Variants in RMI1 observed in about 807,000 individuals in gnomAD.
RMI1 encodes recQ-mediated genome instability protein 1.
A neutral mutation model predicts 46.7 loss-of-function variants in RMI1; 36 were observed. The observed-to-expected ratio is 0.77, with a 90% CI of 0.59 to 1.02. RMI1 has a LOEUF of 1.02. RMI1 is among the 50% of genes least tolerant of loss of function. The pLI, the probability that RMI1 is intolerant of heterozygous loss-of-function variation, is 0.00. For missense variants in RMI1, 676 were observed against 713.7 expected, an observed-to-expected ratio of 0.95 and a Z score of 0.60; for synonymous variants, 250 against 252.9, an observed-to-expected ratio of 0.99 and a Z score of 0.11.
chr9:83,997,387 A>G (rs1394543737), intron 1 of RMI1, among the ~76,000 whole-genome samples: 1 of 151,900 alleles, frequency 6.6e-6, no homozygotes, highest in Non-Finnish European at 1.5e-5. Context: ...CTGGGATTAC[A>G]GGTACGAGCT....
chr9:84,004,062 TTAAA>T lies in RMI1; in HGVS notation c.*1202_*1205del, dbSNP rs1291704122. 6.4e-6 allele frequency: 1 copy of T among 156,752 alleles called. No homozygotes were observed. Among genetic ancestry groups the T allele is most frequent in the African/African-American group, 2.4e-5 (1 of 41,464 alleles). 9.7% of individuals were successfully genotyped at this position (156,752 alleles called of 1,614,324 possible). A position where few individuals can be genotyped will look rare whatever the true frequency, so the allele number is the denominator to read the frequency against. ...GAATTTTAAAACATTAAACAAATCCTTAAATAACAAAATACATTGGTGTTTTATT... is the reference window on the plus strand; with the variant it reads ...GAATTTTAAAACATTAAACAAATCCTTAACAAAATACATTGGTGTTTTATT... On this transcript the variant is annotated 3_prime_UTR_variant, in exon 3 of 3. Coordinates refer to ENST00000445877, the MANE Select transcript of RMI1 (RefSeq NM_001358291.2).
rs764113069 is a variant in RMI1, at chr9:84,001,664, C to T, written c.678C>T (p.Asn226=). The change falls in exon 3 of 3, where the codon AAC becomes AAT. Residue 226 remains asparagine (N), a synonymous_variant. Transcript: ENST00000445877. ...LVVSVIPNNS[N]ENIPRVTDVL... is the part of the protein sequence containing the mutation. ...TTTCAGTCATACCAAACAATTCTAA[C>T]GAAAACATTCCCAGAGTTACAGATG... 35 of 1,613,794 alleles carry T rather than the reference C, an allele frequency of 2.2e-5. No individual in the cohort carries two copies. In the Middle Eastern group the frequency reaches 8.2e-4, roughly 38 times the overall value.
intron 1 of RMI1, among the ~76,000 whole-genome samples, chr9:83,995,487 G>A (rs1276504628): frequency 2.0e-5 from 3 of 149,022 alleles, no homozygotes; most frequent in Non-Finnish European, 3.0e-5. Flanking sequence ...GAGTGCAATA[G>A]CACGATCTCA....
rs10602387 is a variant in RMI1, at chr9:84,003,046, CTTTT to C, written c.*196_*199del. 1,833 of 316,910 alleles carry C rather than the reference CTTTT, an allele frequency of 5.8e-3. No homozygotes were observed. Among genetic ancestry groups the C allele is most frequent in the Middle Eastern group, 7.8e-3 (8 of 1,024 alleles). 19.6% of individuals were successfully genotyped at this position (316,910 alleles called of 1,614,324 possible). Reference sequence around the variant, plus strand: ...GTGGAGCTTTTGAAAATAAGTTAATCTTTTTTTTTTTTTTTTTAATGTCAGGGTA... The same window carrying C: ...GTGGAGCTTTTGAAAATAAGTTAATCTTTTTTTTTTTTTAATGTCAGGGTA... On this transcript the variant is annotated 3_prime_UTR_variant, in exon 3 of 3. Transcript: ENST00000445877.
chr9:84,001,119 C>G lies in RMI1; in HGVS notation c.133C>G (p.Gln45Glu). The change falls in exon 3 of 3, where the codon CAG (glutamine) becomes GAG (glutamate). Residue 45 changes from glutamine (Q) to glutamate (E), a missense_variant. Transcript: ENST00000445877. ...QEENNNVNLS[Q>E]AQMNKQVFEQ... is the part of the protein sequence containing the mutation. The stretch of plus-strand genomic sequence containing the variant: ...AGAAAATAATAATGTTAACTTGAGT[C>G]AGGCCCAAATGAATAAACAAGTGTT... 2 of 1,614,076 alleles carry G rather than the reference C, an allele frequency of 1.2e-6. No individual in the cohort carries two copies. The highest frequency in any genetic ancestry group is 1.7e-6 in the Non-Finnish European group (2 of 1,179,978).
At chr9:83,985,420 T>A (rs1406638136) in intron 1 of RMI1, among the ~76,000 whole-genome samples, 1 of 152,224 alleles carries the variant, frequency 6.6e-6, no homozygotes, top group East Asian at 1.9e-4. Flanking sequence ...AGAATAGTTG[T>A]ATTGGAATGC....
rs761221705 is a variant in RMI1, at chr9:84,001,765, A to T, written c.779A>T (p.Asn260Ile). 2 of 1,614,062 alleles carry T rather than the reference A, an allele frequency of 1.2e-6. No homozygotes were observed. The highest frequency in any genetic ancestry group is 2.2e-5 in the South Asian group (2 of 91,086). ...GATGAAAATGATGAGCTTACAGCAA[A>T]TAATGACACTTCCTCAGAACGATGT... Reference protein sequence around the residue: ...SLDENDELTANNDTSSERCFT... With the variant: ...SLDENDELTAINDTSSERCFT... The change falls in exon 3 of 3, where the codon AAT becomes ATT. Residue 260 changes from asparagine to isoleucine, a missense_variant. Transcript: ENST00000445877.
intron 1 of RMI1, among the ~76,000 whole-genome samples, chr9:83,988,579 C>G (rs1288140185): frequency 6.6e-6 from 1 of 152,356 alleles, no homozygotes; most frequent in South Asian, 2.1e-4. Context: ...GCTGGGATTA[C>G]AGGCATGAGC....
chr9:83,983,610 TA>T (rs918634439), intron 1 of RMI1, among the ~76,000 whole-genome samples: 10 of 151,332 alleles, frequency 6.6e-5, no homozygotes, highest in African/African-American at 9.7e-5. Flanking sequence ...CGCTTTTTAT[TA>T]AAAAAAAATT....
intron 2 of RMI1, among the ~76,000 whole-genome samples, chr9:84,000,083 T>C (rs2133129055): frequency 6.6e-6 from 1 of 152,332 alleles, no homozygotes; most frequent in South Asian, 2.1e-4. Flanking sequence ...ATTCAAGTAC[T>C]AAATGGACAG....
In RMI1 at chr9:84,001,670, C is replaced by T. The variant is rs757461887; in HGVS notation, c.684C>T (p.Asn228=). Residue 228 remains asparagine (N), a synonymous_variant, in exon 3 of 3, where the codon AAC becomes AAT. Coordinates refer to ENST00000445877, the MANE Select transcript of RMI1 (RefSeq NM_001358291.2). ...TCATACCAAACAATTCTAACGAAAA[C>T]ATTCCCAGAGTTACAGATGTTCTAG... The part of the protein sequence containing the change: ...VSVIPNNSNE[N]IPRVTDVLDP... The T allele has an allele frequency of 2.5e-6, 4 of 1,613,950 alleles. No homozygotes were observed. In the Admixed American group the frequency reaches 6.7e-5, roughly 27 times the overall value.
At chr9:83,999,193 A>AT (rs1554706382) in intron 1 of RMI1, among the ~76,000 whole-genome samples, 1 of 151,236 alleles carries the variant, frequency 6.6e-6, no homozygotes, top group Non-Finnish European at 1.5e-5. Flanking sequence ...TAAAATAAAA[A>AT]AAAATAAAAT....
intron 1 of RMI1, among the ~76,000 whole-genome samples, chr9:83,988,206 T>C (rs1050774972): frequency 6.6e-6 from 1 of 152,194 alleles, no homozygotes; most frequent in African/African-American, 2.4e-5. Context: ...TTAATGGATG[T>C]CAAAATTATT....
intron 1 of RMI1, among the ~76,000 whole-genome samples, chr9:83,982,471 G>A (rs1395008632): frequency 6.6e-6 from 1 of 151,898 alleles, no homozygotes; most frequent in East Asian, 1.9e-4. Flanking sequence ...AGACCATCCT[G>A]GCTAACATTG....
Position 84,003,043 on chromosome 9 carries a change from A to G in RMI1, c.*179A>G, listed in dbSNP as rs554746291. On this transcript the variant is annotated 3_prime_UTR_variant, in exon 3 of 3. Transcript: ENST00000445877. ...TATGTGGAGCTTTTGAAAATAAGTT[A>G]ATCTTTTTTTTTTTTTTTTTAATGT... 3,499 of 408,052 alleles carry G rather than the reference A, an allele frequency of 8.6e-3. 117 individuals are homozygous for G. In the African/African-American group the frequency reaches 0.088, roughly 10 times the overall value. 25.3% of individuals were successfully genotyped at this position (408,052 alleles called of 1,614,324 possible).
chr9:83,998,067 G>T (rs1957684352), intron 1 of RMI1, among the ~76,000 whole-genome samples: 1 of 152,118 alleles, frequency 6.6e-6, no homozygotes, highest in African/African-American at 2.4e-5. Flanking sequence ...AGAATGCTGG[G>T]TTTACAGGCG....
At chr9:83,992,564 T>C (rs571816362) in intron 1 of RMI1, among the ~76,000 whole-genome samples, 1 of 152,170 alleles carries the variant, frequency 6.6e-6, no homozygotes, top group South Asian at 2.1e-4. Flanking sequence ...CAATATCACT[T>C]TGACCTCAGC....
intron 1 of RMI1, among the ~76,000 whole-genome samples, chr9:83,989,922 T>G (rs559180540): frequency 6.6e-6 from 1 of 152,290 alleles, no homozygotes; most frequent in Non-Finnish European, 1.5e-5. Context: ...ATTTACAGTT[T>G]CCAAGATACG....
intron 1 of RMI1, among the ~76,000 whole-genome samples, chr9:83,981,437 C>G (rs1389471328): frequency 6.6e-6 from 1 of 152,212 alleles, no homozygotes; most frequent in African/African-American, 2.4e-5. Flanking sequence ...AAAACCCTTG[C>G]CCTCAAACGT....
Sources: allele counts gnomAD v4.1 joint callset (sites outside exome capture counted in the v4.1 genomes callset), GRCh38; gene constraint gnomAD v4.1.1; transcripts MANE v1.5; gene names NCBI Gene and HGNC (gene_info 2026-07-23, HGNC 2026-07-21).